PAPPA2: variants seen among roughly 807,000 people sequenced by gnomAD.
PAPPA2 encodes pappalysin 2.
In PAPPA2, 86 loss-of-function variants were observed where a neutral mutation model predicts 176.4. The ratio of observed to expected loss-of-function variants is 0.49; its 90% CI spans 0.41 to 0.58. PAPPA2 has a LOEUF of 0.58. Ranked by LOEUF, PAPPA2 falls within the 20% of genes least tolerant of loss-of-function variation. The pLI, the probability that PAPPA2 is intolerant of heterozygous loss-of-function variation, is 0.00. For missense variants in PAPPA2, 2,073 were observed against 2,256.9 expected (o/e 0.92, Z 1.65); for synonymous variants, 809 against 852.2 (o/e 0.95, Z 0.88).
chr1:176,751,201 T>A (rs1663159106), intron 14 of PAPPA2, among the ~76,000 whole-genome samples: 1 of 151,766 alleles, frequency 6.6e-6, no homozygotes, highest in Admixed American at 6.6e-5. Context: ...TTGATCTATA[T>A]CTCTGTTTTG....
rs903216096 is a variant in PAPPA2, at chr1:176,714,685, T to A, written c.3798+2704T>A. On this transcript the variant is annotated intron_variant, in intron 12 of 22. Transcript: ENST00000367662. ...AATAATGTGATACTGTGGATAGCAA[T>A]AGGTGCATTAATTATTTTCTTCTTG... Among the ~76,000 whole-genome samples the A allele has an allele frequency of 3.3e-5, 5 of 152,318 alleles. No homozygotes were observed. The South Asian group carries it at 1.0e-3, about 32-fold the overall frequency.
At chr1:176,641,691 T>G (rs1657101176) in intron 3 of PAPPA2, among the ~76,000 whole-genome samples, 1 of 151,998 alleles carries the variant, frequency 6.6e-6, no homozygotes, top group Non-Finnish European at 1.5e-5. Context: ...ATAATTTGCA[T>G]TTCTTATAAT....
chr1:176,532,295 T>C (rs1343797768), intron 1 of PAPPA2, among the ~76,000 whole-genome samples: 2 of 152,116 alleles, frequency 1.3e-5, no homozygotes, highest in Admixed American at 6.5e-5. Flanking sequence ...AAGCATTAAA[T>C]CTACAAATAA....
chr1:176,782,633 G>A (rs1664768345), intron 17 of PAPPA2, among the ~76,000 whole-genome samples: 1 of 152,176 alleles, frequency 6.6e-6, no homozygotes, highest in African/African-American at 2.4e-5. Flanking sequence ...TCCAGTGTTG[G>A]TGAAGTGTAT....
chr1:176,513,008 ATTACATG>A (rs1648701555), intron 1 of PAPPA2, among the ~76,000 whole-genome samples: 1 of 152,190 alleles, frequency 6.6e-6, no homozygotes, highest in Non-Finnish European at 1.5e-5. Context: ...ACTGTGAAGG[ATTACATG>A]AAGGACCAGA....
chr1:176,508,829 G>A (rs1648444685), intron 1 of PAPPA2, among the ~76,000 whole-genome samples: 1 of 151,930 alleles, frequency 6.6e-6, no homozygotes, highest in Non-Finnish European at 1.5e-5. Flanking sequence ...CTGCTGCCAT[G>A]GAATATGTGC....
intron 1 of PAPPA2, among the ~76,000 whole-genome samples, chr1:176,546,846 G>A (rs1246820456): frequency 6.6e-6 from 1 of 152,148 alleles, no homozygotes; most frequent in Non-Finnish European, 1.5e-5. Flanking sequence ...TGCTGATTTT[G>A]TGATTGCTTT....
intron 3 of PAPPA2, among the ~76,000 whole-genome samples, chr1:176,632,229 A>ATGTGTGTGTG (rs56939950): frequency 4.8e-5 from 7 of 145,430 alleles, no homozygotes; most frequent in African/African-American, 1.8e-4. Flanking sequence ...ATTAGTAGTG[A>ATGTGTGTGTG]TGTGTGTGTG....
At chr1:176,704,574 C>T (rs1660796643) in intron 9 of PAPPA2, among the ~76,000 whole-genome samples, 2 of 152,208 alleles carry the variant, frequency 1.3e-5, no homozygotes, top group Admixed American at 6.5e-5. Flanking sequence ...AACTAAAAAA[C>T]TGAATACTTA....
intron 2 of PAPPA2, among the ~76,000 whole-genome samples, chr1:176,571,634 A>G (rs1185662164): frequency 6.6e-6 from 1 of 152,180 alleles, no homozygotes; most frequent in Non-Finnish European, 1.5e-5. Flanking sequence ...TTCTTTACCC[A>G]TTCTAGTCCG....
At chr1:176,760,897 C>G (rs1000111531) in intron 14 of PAPPA2, among the ~76,000 whole-genome samples, 22 of 152,124 alleles carry the variant, frequency 1.4e-4, no homozygotes, top group African/African-American at 5.3e-4. Flanking sequence ...TCTCGGCTCA[C>G]TGCAAGCTCT....
chr1:176,602,064 A>G (rs1654357039), intron 3 of PAPPA2, among the ~76,000 whole-genome samples: 1 of 152,222 alleles, frequency 6.6e-6, no homozygotes, highest in African/African-American at 2.4e-5. Context: ...TGAACAAGGC[A>G]TCAATCATCT....
chr1:176,467,385 A>G (rs981130433), intron 1 of PAPPA2, among the ~76,000 whole-genome samples: 1 of 152,000 alleles, frequency 6.6e-6, no homozygotes, highest in Non-Finnish European at 1.5e-5. Flanking sequence ...TTTTATTCTC[A>G]TTGTTAGAAG....
chr1:176,570,248 A>G (rs1357851795), intron 2 of PAPPA2, among the ~76,000 whole-genome samples: 1 of 152,134 alleles, frequency 6.6e-6, no homozygotes, highest in African/African-American at 2.4e-5. Flanking sequence ...CAGCGTTTGC[A>G]CCTTCTCCGG....
At chr1:176,531,015 T>G (rs1649779088) in intron 1 of PAPPA2, among the ~76,000 whole-genome samples, 1 of 152,256 alleles carries the variant, frequency 6.6e-6, no homozygotes, top group Non-Finnish European at 1.5e-5. Flanking sequence ...CAGGCCACTT[T>G]GGTAGTTCAT....
In PAPPA2 at chr1:176,844,123, G is replaced by A. The variant is rs949986934; in HGVS notation, c.*1669G>A. ...CCTAGGGAAAGTGAGTAAGGAGCCAGTTTCTGTTTAACATTCTAGTTTTAC... is the reference window on the plus strand; with the variant it reads ...CCTAGGGAAAGTGAGTAAGGAGCCAATTTCTGTTTAACATTCTAGTTTTAC... On this transcript the variant is annotated 3_prime_UTR_variant, in exon 23 of 23. Transcript: ENST00000367662. 1 of 151,300 alleles carries A rather than the reference G, an allele frequency of 6.6e-6. No individual in the cohort carries two copies. Among genetic ancestry groups the A allele is most frequent in the Non-Finnish European group, 1.5e-5 (1 of 67,898 alleles). 9.4% of individuals were successfully genotyped at this position (151,300 alleles called of 1,614,324 possible).
At chr1:176,648,043 C>T (rs1573190356) in intron 3 of PAPPA2, among the ~76,000 whole-genome samples, 1 of 151,280 alleles carries the variant, frequency 6.6e-6, no homozygotes, top group East Asian at 1.9e-4. Flanking sequence ...GTCATTTTAA[C>T]AACATTAATT....
chr1:176,711,182 G>A (rs1342045152), intron 11 of PAPPA2, among the ~76,000 whole-genome samples: 1 of 152,066 alleles, frequency 6.6e-6, no homozygotes, highest in Non-Finnish European at 1.5e-5. Flanking sequence ...GAACAAAATT[G>A]GAGTTTATTA....
At chr1:176,545,490 T>A (rs1364328684) in intron 1 of PAPPA2, among the ~76,000 whole-genome samples, 1 of 152,024 alleles carries the variant, frequency 6.6e-6, no homozygotes, top group South Asian at 2.1e-4. Context: ...GTGCATGATT[T>A]TTTTCTTGCC....
Sources: allele counts gnomAD v4.1 joint callset (sites outside exome capture counted in the v4.1 genomes callset), GRCh38; gene constraint gnomAD v4.1.1; transcripts MANE v1.5; gene names NCBI Gene and HGNC (gene_info 2026-07-23, HGNC 2026-07-21).